The following VWF variants were observed in gnomAD, a reference collection of about 807,000 sequenced individuals.
VWF encodes Factor VIII related antigen.
A neutral mutation model predicts 308.6 loss-of-function variants in VWF; 176 were observed. That is an observed-to-expected ratio of 0.57 (90% CI 0.50 to 0.65). VWF has a LOEUF of 0.65. Ranked by LOEUF, VWF falls within the 30% of genes least tolerant of loss-of-function variation. The probability of loss-of-function intolerance (pLI) is 0.00; values close to 1 mark genes in which losing one functional copy is unlikely to be tolerated. For synonymous variants in VWF, 1,385 were observed against 1,443.4 expected, an observed-to-expected ratio of 0.96 and a Z score of 0.92; for missense variants, 3,146 against 3,648.2, an observed-to-expected ratio of 0.86 and a Z score of 3.55.
At chr12:6,032,174 T>A (rs1944271000) in intron 20 of VWF, among the ~76,000 whole-genome samples, 2 of 152,156 alleles carry the variant, frequency 1.3e-5, no homozygotes, top group Admixed American at 1.3e-4. Context: ...GCCTCCCCCA[T>A]GGTGGCTATT....
chr12:5,956,571 A>G (rs1348861273), intron 47 of VWF, among the ~76,000 whole-genome samples: 1 of 151,762 alleles, frequency 6.6e-6, no homozygotes, highest in Non-Finnish European at 1.5e-5. Flanking sequence ...TGATCCCAGG[A>G]GTTTAAGCTG....
chr12:6,006,606 C>T (rs753394326), intron 34 of VWF, among the ~76,000 whole-genome samples: 1 of 151,902 alleles, frequency 6.6e-6, no homozygotes, highest in African/African-American at 2.4e-5. Context: ...GGTGAAACCC[C>T]GTCTCTACTA....
intron 34 of VWF, among the ~76,000 whole-genome samples, chr12:6,002,089 G>A (rs867427017): frequency 3.3e-5 from 5 of 151,386 alleles, no homozygotes; most frequent in South Asian, 4.2e-4. Context: ...AGTGATCCTA[G>A]GAAAATTCAT....
chr12:6,074,197 A>T (rs1345874021), intron 7 of VWF, among the ~76,000 whole-genome samples: 1 of 151,988 alleles, frequency 6.6e-6, no homozygotes, highest in African/African-American at 2.4e-5. Flanking sequence ...CACAGGGCAC[A>T]TTTGCCTGCA....
At chr12:6,065,029 T>C (rs369598951) in intron 11 of VWF, 108 bp downstream of exon 11, 3 of 1,520,362 alleles carry the variant, frequency 2.0e-6, no homozygotes, top group Non-Finnish European at 2.7e-6. Context: ...ACCTCCCTCA[T>C]GCACAGAAAG....
At chr12:5,988,800 G>A (rs1200722830) in intron 38 of VWF, among the ~76,000 whole-genome samples, 2 of 152,210 alleles carry the variant, frequency 1.3e-5, no homozygotes, top group South Asian at 2.1e-4. Flanking sequence ...GCAGGCAGTC[G>A]CAATCGCCAG....
At chr12:6,036,949 T>C (rs774310987) in intron 18 of VWF, among the ~76,000 whole-genome samples, 5 of 152,114 alleles carry the variant, frequency 3.3e-5, no homozygotes, top group East Asian at 1.9e-4. Context: ...CAAAAAAAAA[T>C]TGGAAACACT....
chr12:6,062,537 G>A (rs1944665730), intron 13 of VWF, among the ~76,000 whole-genome samples: 1 of 151,990 alleles, frequency 6.6e-6, no homozygotes, highest in South Asian at 2.1e-4. Context: ...AGAATCTGGT[G>A]GTTTCCTGAG....
intron 21 of VWF, among the ~76,000 whole-genome samples, chr12:6,030,400 C>G (rs1294400689): frequency 6.6e-6 from 1 of 152,186 alleles, no homozygotes; most frequent in African/African-American, 2.4e-5. Context: ...CCATCCCCTG[C>G]TGTCAATGGT....
At chr12:5,964,090 G>A (rs1013705283) in intron 47 of VWF, among the ~76,000 whole-genome samples, 14 of 151,962 alleles carry the variant, frequency 9.2e-5, no homozygotes, top group African/African-American at 2.4e-4. Context: ...GGCGGTGGGC[G>A]CCTGTAGTCC....
chr12:6,094,900 T>TTC (rs145611706), intron 6 of VWF, among the ~76,000 whole-genome samples: 1 of 138,016 alleles, frequency 7.2e-6, no homozygotes, highest in Non-Finnish European at 1.5e-5. Flanking sequence ...TTTTTTTTTT[T>TTC]TGAGACAGAG....
At chr12:6,039,350 T>C (rs368062516) in intron 18 of VWF, among the ~76,000 whole-genome samples, 2 of 152,340 alleles carry the variant, frequency 1.3e-5, no homozygotes, top group East Asian at 3.9e-4. Context: ...TCTTGTTACC[T>C]TTCTCTGAAA....
chr12:5,988,790 G>A (rs1009650222), intron 38 of VWF, among the ~76,000 whole-genome samples: 35 of 152,190 alleles, frequency 2.3e-4, no homozygotes, highest in Non-Finnish European at 4.3e-4. Context: ...CCAACTGCAG[G>A]CAGGCAGTCG....
intron 47 of VWF, among the ~76,000 whole-genome samples, chr12:5,966,815 G>T (rs1461417913): frequency 1.3e-5 from 2 of 152,246 alleles, no homozygotes; most frequent in African/African-American, 4.8e-5. Flanking sequence ...GCTTGAGGAA[G>T]AAGCCAAGGC....
intron 13 of VWF, among the ~76,000 whole-genome samples, chr12:6,062,416 G>T (rs777466231): frequency 3.5e-4 from 47 of 133,662 alleles, no homozygotes; most frequent in Non-Finnish European, 6.1e-4. Context: ...ACCTGCCAGG[G>T]TCATTTCCAG....
chr12:5,952,600 G>T, intron 48 of VWF, 81 bp from the exon 49 acceptor site: 2 of 1,555,666 alleles, frequency 1.3e-6, no homozygotes, highest in Non-Finnish European at 1.7e-6. Context: ...TTGACTCCAT[G>T]GAGATGACGA....
intron 26 of VWF, 121 bp from the exon 27 acceptor site, chr12:6,022,156 C>T (rs1944136604): frequency 1.4e-6 from 2 of 1,380,522 alleles, no homozygotes; most frequent in South Asian, 1.2e-5. Context: ...CTCCTCCTGC[C>T]TGCACTCCCA....
At position 6,072,362 on chromosome 12, in the gene VWF, C is replaced by A. The variant is rs199570108; in HGVS notation, c.1078G>T (p.Gly360Cys). The change falls in exon 9 of 52, where the codon GGC becomes TGC. Residue 360 changes from glycine to cysteine, a missense_variant. Gly to Cys is a radical substitution (Grantham distance 159). Around this residue, in one of 3 missense-constraint regions of VWF, gnomAD observed 1,304 missense variants for 1,353.0 expected, o/e 0.96. Coordinates refer to ENST00000261405, the MANE Select transcript of VWF (RefSeq NM_000552.5). The part of the protein sequence containing the change: ...CVHSGKRYPP[G>C]TSLSRDCNTC... ...TTGCAGTCTCGAGAGAGGGAGGTGC[C>A]GGGAGGGTAGCGCTTTCCGGAATGC... 1 of 1,614,026 alleles carries A rather than the reference C, an allele frequency of 6.2e-7. No homozygotes were observed. The highest frequency in any genetic ancestry group is 1.3e-5 in the African/African-American group (1 of 74,992).
In VWF at chr12:6,063,157, G is replaced by A. The variant is rs968713666; in HGVS notation, c.1433-103C>T. On this transcript the variant is annotated intron_variant, in intron 12 of 51. Coordinates refer to ENST00000261405, the MANE Select transcript of VWF (RefSeq NM_000552.5). The surrounding 1 kb of genome is among the most constrained non-coding windows in gnomAD (Gnocchi z 4.9). ...AATGGGGTGTCTCAAAAGGATGGTA[G>A]CACTGAAGAGCAATGACTTAGGGGC... is the stretch of plus-strand genomic sequence containing the variant. The A allele has an allele frequency of 7.6e-6, 7 of 925,492 alleles. No homozygotes were observed. The highest frequency in any genetic ancestry group is 1.2e-5 in the Non-Finnish European group (7 of 586,372). The allele number at this position is 925,492 out of a possible 1,614,324, so 57.3% of individuals were successfully genotyped here.
Sources: allele counts gnomAD v4.1 joint callset (sites outside exome capture counted in the v4.1 genomes callset), GRCh38; gene constraint gnomAD v4.1.1; regional missense constraint gnomAD v4.1.1; non-coding constraint Gnocchi (gnomAD v3.1); transcripts MANE v1.5; gene names NCBI Gene and HGNC (gene_info 2026-07-23, HGNC 2026-07-21).